VAV3: variants seen among roughly 807,000 people sequenced by gnomAD.
VAV3 encodes vav guanine nucleotide exchange factor 3, also known as guanine nucleotide exchange factor VAV3.
VAV3 carries 94 observed loss-of-function variants against 131.2 expected under a neutral mutation model. The ratio of observed to expected loss-of-function variants is 0.72; its 90% confidence interval spans 0.61 to 0.85. The LOEUF is 0.85. Among genes scored for constraint, VAV3 ranks in the 40% least tolerant of loss-of-function variants. The probability of loss-of-function intolerance (pLI) is 0.00; values close to 1 mark genes in which losing one functional copy is unlikely to be tolerated. For missense variants in VAV3, 939 were observed against 1,002.7 expected, an observed-to-expected ratio of 0.94 and a Z score of 0.86; for synonymous variants, 349 against 342.0, an observed-to-expected ratio of 1.02 and a Z score of -0.22.
Position 107,749,469 on chromosome 1 carries a change from T to C in VAV3, c.1385A>G (p.Asn462Ser). ...IANNPTTDKE[N>S]KKWSYGFYLI... ...TAGTTTCCAAAAAGTCACCTTTTTG[T>C]TTTCTTTATCGGTTGTAGGATTATT... Residue 462 changes from asparagine (N) to serine (S), a missense_variant, in exon 14 of 27, where the codon AAC becomes AGC. Coordinates refer to ENST00000370056, the MANE Select transcript of VAV3 (RefSeq NM_006113.5). 6.3e-7 allele frequency: 1 copy of C among 1,587,294 alleles called. No individual in the cohort carries two copies. The highest frequency in any genetic ancestry group is 8.5e-7 in the Non-Finnish European group (1 of 1,173,394).
In VAV3 at chr1:107,896,909, C is replaced by T. The variant is rs940181555; in HGVS notation, c.205-21892G>A. On this transcript the variant is annotated intron_variant, in intron 1 of 26. Transcript: ENST00000370056. ...TGACTCCAATCATTGATCAGATCTT[C>T]AAAAAAAGCCCCTCTCCAGAAATAG... Among the ~76,000 whole-genome samples the T allele has an allele frequency of 4.6e-5, 7 of 151,966 alleles. No homozygotes were observed. The East Asian group carries it at 5.8e-4, about 13-fold the overall frequency.
At chr1:107,781,590 T>C (rs1199038237) in intron 2 of VAV3, among the ~76,000 whole-genome samples, 7 of 152,168 alleles carry the variant, frequency 4.6e-5, no homozygotes, top group Admixed American at 3.9e-4. Flanking sequence ...CAAAACTCTT[T>C]AGGATAGTTC....
intron 1 of VAV3, among the ~76,000 whole-genome samples, chr1:107,887,755 C>A (rs879280586): frequency 6.6e-6 from 1 of 152,042 alleles, no homozygotes; most frequent in Admixed American, 6.6e-5. Flanking sequence ...ACCAACACAA[C>A]CCCCTGCTCA....
chr1:107,814,313 T>C (rs75382989), intron 2 of VAV3, among the ~76,000 whole-genome samples: 14,179 of 152,128 alleles, frequency 0.093, 839 homozygotes, highest in East Asian at 0.25. Context: ...CCAGCACCCA[T>C]TAGTTTTTGT....
intron 15 of VAV3, among the ~76,000 whole-genome samples, chr1:107,739,228 G>T (rs1662862359): frequency 6.6e-6 from 1 of 152,078 alleles, no homozygotes; most frequent in South Asian, 2.1e-4. Context: ...TCCTCACTAG[G>T]CAATAACAAA....
intron 2 of VAV3, among the ~76,000 whole-genome samples, chr1:107,851,101 T>G (rs1194549970): frequency 1.4e-5 from 2 of 145,738 alleles, no homozygotes; most frequent in Non-Finnish European, 3.0e-5. Context: ...AAGCCGGCCC[T>G]CCGGAGCTTG....
chr1:107,764,392 A>G (rs1418676997), intron 9 of VAV3, among the ~76,000 whole-genome samples: 1 of 152,236 alleles, frequency 6.6e-6, no homozygotes, highest in Non-Finnish European at 1.5e-5. Flanking sequence ...ACAGAGCCCT[A>G]TTATACAGTG....
chr1:107,786,070 A>T (rs751831591), intron 2 of VAV3, among the ~76,000 whole-genome samples: 2 of 152,072 alleles, frequency 1.3e-5, no homozygotes, highest in African/African-American at 2.4e-5. Flanking sequence ...TGTCCTTAGC[A>T]CCTCCTCTAT....
intron 2 of VAV3, among the ~76,000 whole-genome samples, chr1:107,871,072 G>A (rs535616105): frequency 7.2e-5 from 11 of 152,238 alleles, no homozygotes; most frequent in African/African-American, 2.4e-4. Flanking sequence ...ACTGACGATT[G>A]AAACAGTTAT....
chr1:107,603,008 C>A, intron 23 of VAV3, 39 bp downstream of exon 23: 1 of 1,539,478 alleles, frequency 6.5e-7, no homozygotes, highest in Non-Finnish European at 9.0e-7. Context: ...ATTATGAAAA[C>A]AGGAAATCTA....
chr1:107,669,061 C>G, intron 19 of VAV3: 1 of 1,072,552 alleles, frequency 9.3e-7, no homozygotes, highest in Non-Finnish European at 1.1e-6. Context: ...CTAAGAAGGT[C>G]AAAAAGAACA....
At chr1:107,693,056 G>A (rs766390613) in intron 17 of VAV3, among the ~76,000 whole-genome samples, 7 of 152,144 alleles carry the variant, frequency 4.6e-5, no homozygotes, top group Non-Finnish European at 8.8e-5. Flanking sequence ...GGTGTACTGT[G>A]AGAAGGAAAC....
intron 24 of VAV3, among the ~76,000 whole-genome samples, chr1:107,598,700 T>A (rs1323468777): frequency 6.6e-6 from 1 of 152,124 alleles, no homozygotes; most frequent in Non-Finnish European, 1.5e-5. Context: ...AATTTTAACA[T>A]GTTTTGCGCA....
In VAV3 at chr1:107,704,600, T is replaced by TG. The variant is rs1660332649; in HGVS notation, c.1654dup (p.His552ProfsTer15). On this transcript the variant is annotated frameshift_variant, in exon 17 of 27. Transcript: ENST00000370056. LOFTEE classifies it high-confidence loss of function. ...GTCTACTCTTCCCAAACATTCTTTGTGTGCTCTCGCTCCACACTTAAAACA... is the reference window on the plus strand; with the variant it reads ...GTCTACTCTTCCCAAACATTCTTTGTGGTGCTCTCGCTCCACACTTAAAACA... 6.2e-7 allele frequency: 1 copy of TG among 1,613,894 alleles called. No individual in the cohort carries two copies. The highest frequency in any genetic ancestry group is 8.5e-7 in the Non-Finnish European group (1 of 1,179,962).
intron 11 of VAV3, among the ~76,000 whole-genome samples, chr1:107,756,321 G>A (rs929939658): frequency 6.6e-6 from 1 of 151,998 alleles, no homozygotes; most frequent in African/African-American, 2.4e-5. Flanking sequence ...TGCAACAGTA[G>A]GGACAGAACT....
intron 1 of VAV3, among the ~76,000 whole-genome samples, chr1:107,956,889 C>G (rs111587375): frequency 6.6e-6 from 1 of 151,794 alleles, no homozygotes; most frequent in Non-Finnish European, 1.5e-5. Context: ...CAGGACAAAT[C>G]GAGGGACGTC....
chr1:107,914,923 T>C (rs1180808678), intron 1 of VAV3, among the ~76,000 whole-genome samples: 1 of 152,214 alleles, frequency 6.6e-6, no homozygotes, highest in African/African-American at 2.4e-5. Context: ...GGGCAAACCC[T>C]GCAGGTGGAA....
At chr1:107,662,403 T>C (rs889188707) in intron 19 of VAV3, among the ~76,000 whole-genome samples, 1 of 152,064 alleles carries the variant, frequency 6.6e-6, no homozygotes. Context: ...AGGATTTCTA[T>C]AAGGGAAAAA....
intron 4 of VAV3, among the ~76,000 whole-genome samples, chr1:107,773,631 G>A (rs1040230077): frequency 6.6e-6 from 1 of 152,148 alleles, no homozygotes; most frequent in Non-Finnish European, 1.5e-5. Context: ...CTGAGAATAA[G>A]GGAGGGAGGA....
Sources: gnomAD v4.1 joint callset for allele counts (sites outside exome capture counted in the v4.1 genomes callset) on GRCh38, gnomAD v4.1.1 for gene constraint, MANE v1.5 for transcripts, NCBI Gene and HGNC (gene_info 2026-07-23, HGNC 2026-07-21) for gene names.